Variants in PEX14 observed in about 807,000 individuals in gnomAD.
PEX14 encodes the protein peroxisomal membrane protein PEX14.
Under a neutral mutation model 49.5 loss-of-function variants are expected in PEX14, and 15 were observed. That is an observed-to-expected ratio of 0.30 (90% CI 0.20 to 0.47). The LOEUF (loss-of-function observed/expected upper bound fraction) is 0.47. PEX14 is among the 20% of genes least tolerant of loss of function. The probability of loss-of-function intolerance (pLI) is 1.00; values close to 1 mark genes in which losing one functional copy is unlikely to be tolerated. For synonymous variants in PEX14, 210 were observed against 212.7 expected, an observed-to-expected ratio of 0.99 and a Z score of 0.11; for missense variants, 398 against 494.8, an observed-to-expected ratio of 0.80 and a Z score of 1.86.
chr1:10,484,299 A>G (rs576347130), intron 1 of PEX14, among the ~76,000 whole-genome samples: 2 of 151,694 alleles, frequency 1.3e-5, no homozygotes, highest in South Asian at 4.2e-4. Flanking sequence ...CGGCCTCCCA[A>G]AGTGCTGGGA....
chr1:10,614,487 A>T (rs1641357032), intron 4 of PEX14, among the ~76,000 whole-genome samples: 1 of 152,064 alleles, frequency 6.6e-6, no homozygotes, highest in South Asian at 2.1e-4. Flanking sequence ...TGAGGCAGCT[A>T]TTGGGAGGGT....
chr1:10,482,657 G>A (rs652771), intron 1 of PEX14, among the ~76,000 whole-genome samples: 113,823 of 151,890 alleles, frequency 0.75, 43,047 homozygotes, highest in African/African-American at 0.86. Flanking sequence ...TGGTCTCGAT[G>A]TCTTGACCTC....
chr1:10,485,021 A>C lies in PEX14; in HGVS notation c.36+10019A>C, dbSNP rs114724092. On this transcript the variant is annotated intron_variant, in intron 1 of 8. Coordinates refer to ENST00000356607, the MANE Select transcript of PEX14 (RefSeq NM_004565.3). ...CAGATCCTGGCCACATTTGAGTAGA[A>C]GGAACAGCACAGGGGCATGGATACC... Among the ~76,000 whole-genome samples, 367 of 151,880 alleles carry C rather than the reference A, an allele frequency of 2.4e-3. 12 individuals are homozygous for C. The highest frequency in any genetic ancestry group is 8.8e-3 in the African/African-American group (362 of 41,172).
intron 2 of PEX14, among the ~76,000 whole-genome samples, chr1:10,534,835 G>A (rs1216164749): frequency 6.6e-6 from 1 of 152,152 alleles, no homozygotes; most frequent in African/African-American, 2.4e-5. Flanking sequence ...CCACGGAGGG[G>A]TTGCAGGGAA....
At chr1:10,480,855 CTCTCTA>C (rs766978707) in intron 1 of PEX14, among the ~76,000 whole-genome samples, 9 of 139,660 alleles carry the variant, frequency 6.4e-5, no homozygotes, top group Middle Eastern at 3.3e-3. Context: ...CTCTCTCTCT[CTCTCTA>C]TATATATATT....
chr1:10,588,994 A>C (rs1640581606), intron 3 of PEX14, among the ~76,000 whole-genome samples: 1 of 152,174 alleles, frequency 6.6e-6, no homozygotes, highest in South Asian at 2.1e-4. Context: ...GCATTCGCTG[A>C]GTGTCTTGGA....
At chr1:10,624,042 C>T (rs149722273) in intron 6 of PEX14, among the ~76,000 whole-genome samples, 51 of 152,276 alleles carry the variant, frequency 3.3e-4, no homozygotes, top group African/African-American at 1.1e-3. Context: ...CCAGAGAAGC[C>T]GGGAGAGCTC....
intron 4 of PEX14, among the ~76,000 whole-genome samples, chr1:10,616,681 C>T (rs956245018): frequency 6.6e-6 from 1 of 152,192 alleles, no homozygotes; most frequent in African/African-American, 2.4e-5. Flanking sequence ...GGAGACGGGG[C>T]TCTCCCGCGT....
rs1191666419 is a variant in PEX14 at position 10,623,581 on chromosome 1, C to T, written c.487+460C>T. On this transcript the variant is annotated intron_variant, in intron 6 of 8. Coordinates refer to ENST00000356607, the MANE Select transcript of PEX14 (RefSeq NM_004565.3). This position sits in a 1 kb window ranked among gnomAD's most constrained non-coding sequence, Gnocchi z 4.4. The stretch of plus-strand genomic sequence containing the variant: ...AGGGCTCGCGTTCATTACCCAGTGC[C>T]CCAGCGATGGCCCAGATTAGCTGGG... 1.3e-5 allele frequency among the ~76,000 whole-genome samples: 2 copies of T among 152,164 alleles called. No individual in the cohort carries two copies. The highest frequency in any genetic ancestry group is 1.9e-4 in the East Asian group (1 of 5,194).
At chr1:10,572,684 C>T (rs1382324722) in intron 3 of PEX14, among the ~76,000 whole-genome samples, 2 of 152,094 alleles carry the variant, frequency 1.3e-5, no homozygotes, top group East Asian at 3.9e-4. Flanking sequence ...ATAGGCGCCC[C>T]CCCCACCACG....
chr1:10,534,427 CCTT>C (rs1304682473), intron 2 of PEX14, among the ~76,000 whole-genome samples: 1 of 152,036 alleles, frequency 6.6e-6, no homozygotes, highest in African/African-American at 2.4e-5. Flanking sequence ...TGTACTGTTG[CCTT>C]CTTCTCCCCA....
intron 3 of PEX14, among the ~76,000 whole-genome samples, chr1:10,585,771 C>G (rs963526147): frequency 6.6e-6 from 1 of 152,234 alleles, no homozygotes; most frequent in African/African-American, 2.4e-5. Context: ...TGGTGCATGC[C>G]TGTAATCCCA....
intron 1 of PEX14, among the ~76,000 whole-genome samples, chr1:10,485,985 T>A (rs1641361846): frequency 6.6e-6 from 1 of 152,066 alleles, no homozygotes; most frequent in Non-Finnish European, 1.5e-5. Flanking sequence ...CTTGAACTCC[T>A]GACCTCAGGT....
chr1:10,561,678 A>G (rs1330399359), intron 3 of PEX14, among the ~76,000 whole-genome samples: 1 of 152,142 alleles, frequency 6.6e-6, no homozygotes, highest in Non-Finnish European at 1.5e-5. Context: ...CTTCTTTGAG[A>G]TCATGTTATC....
intron 3 of PEX14, among the ~76,000 whole-genome samples, chr1:10,591,641 G>GTA (rs1570318563): frequency 6.8e-6 from 1 of 147,352 alleles, no homozygotes; most frequent in Non-Finnish European, 1.5e-5. Context: ...CACACTGTGT[G>GTA]TGTGTGTGTG....
intron 5 of PEX14, among the ~76,000 whole-genome samples, chr1:10,618,697 C>G (rs1641503699): frequency 6.6e-6 from 1 of 152,202 alleles, no homozygotes; most frequent in South Asian, 2.1e-4. Context: ...CCTTGCCAGC[C>G]CATGTCAGGC....
chr1:10,476,363 G>T (rs768070264), intron 1 of PEX14, among the ~76,000 whole-genome samples: 9 of 152,160 alleles, frequency 5.9e-5, no homozygotes, highest in Non-Finnish European at 1.3e-4. Flanking sequence ...CAAGTGTCTC[G>T]AGAGGAGGGC....
At chr1:10,565,193 C>G (rs553127232) in intron 3 of PEX14, among the ~76,000 whole-genome samples, 1 of 152,168 alleles carries the variant, frequency 6.6e-6, no homozygotes, top group Non-Finnish European at 1.5e-5. Context: ...TGAGCCACTG[C>G]GCCCAGCCTT....
intron 5 of PEX14, 89 bp from the exon 6 acceptor site, chr1:10,622,930 G>T: frequency 1.1e-6 from 1 of 884,536 alleles, no homozygotes; most frequent in East Asian, 2.6e-5. Context: ...AGGGATGACA[G>T]GGAGAAAGTT....
Sources: allele counts gnomAD v4.1 joint callset (sites outside exome capture counted in the v4.1 genomes callset), GRCh38; gene constraint gnomAD v4.1.1; non-coding constraint Gnocchi (gnomAD v3.1); transcripts MANE v1.5; gene names NCBI Gene and HGNC (gene_info 2026-07-23, HGNC 2026-07-21).